The following CYYR1 variants were observed in gnomAD, a reference collection of about 807,000 sequenced individuals.
The protein encoded by CYYR1 is cysteine and tyrosine rich 1.
In CYYR1, 14 loss-of-function variants were observed where a neutral mutation model predicts 15.2. The observed-to-expected ratio is 0.92, with a 90% confidence interval of 0.61 to 1.44. The LOEUF (loss-of-function observed/expected upper bound fraction) is 1.44. Ranked by LOEUF, CYYR1 falls within the 40% of genes most tolerant of loss-of-function variation. The pLI, the probability that CYYR1 is intolerant of heterozygous loss-of-function variation, is 0.00. For missense variants in CYYR1, 228 were observed against 209.5 expected (o/e 1.09, Z -0.54); for synonymous variants, 80 against 77.4 (o/e 1.03, Z -0.18).
chr21:26,563,696 G>A (rs1207354994), intron 2 of CYYR1, among the ~76,000 whole-genome samples: 1 of 152,156 alleles, frequency 6.6e-6, no homozygotes, highest in African/African-American at 2.4e-5. Context: ...TTGCAAAACA[G>A]CAAAGGCAAT....
Position 26,472,260 on chromosome 21 carries a change from A to G in CYYR1, c.335-3626T>C, listed in dbSNP as rs181925025. The stretch of plus-strand genomic sequence containing the variant: ...TGCCTTAGCAGTTATTCCATCCACT[A>G]TTCACTATTTTGAGGTTAATTTTTT... On this transcript the variant is annotated intron_variant, in intron 3 of 3. Coordinates refer to ENST00000652641, the MANE Select transcript of CYYR1 (RefSeq NM_001320768.2). 1.7e-3 allele frequency among the ~76,000 whole-genome samples: 265 copies of G among 152,188 alleles called. 1 individual carries two copies. Among genetic ancestry groups the G allele is most frequent in the African/African-American group, 6.1e-3 (253 of 41,524 alleles).
chr21:26,473,011 C>T (rs926841840), intron 3 of CYYR1, among the ~76,000 whole-genome samples: 2 of 152,046 alleles, frequency 1.3e-5, no homozygotes, highest in South Asian at 2.1e-4. Context: ...CTAAATGTGG[C>T]TTATTAAATA....
intron 2 of CYYR1, chr21:26,482,399 T>G: frequency 1.0e-6 from 1 of 985,334 alleles, no homozygotes; most frequent in Non-Finnish European, 1.2e-6. Flanking sequence ...GTAAAATAGC[T>G]TATCAGTTCT....
intron 2 of CYYR1, among the ~76,000 whole-genome samples, chr21:26,535,123 C>A (rs1050069166): frequency 6.6e-6 from 1 of 152,034 alleles, no homozygotes; most frequent in Admixed American, 6.6e-5. Context: ...GGGAAGGGAG[C>A]AAATGTTGAA....
intron 2 of CYYR1, chr21:26,564,551 T>C: frequency 2.0e-6 from 1 of 507,334 alleles, no homozygotes; most frequent in Non-Finnish European, 2.5e-6. Context: ...ACATGTACCA[T>C]AAAAATGTGA....
chr21:26,548,904 A>G (rs1486179030), intron 2 of CYYR1, among the ~76,000 whole-genome samples: 1 of 152,232 alleles, frequency 6.6e-6, no homozygotes, highest in African/African-American at 2.4e-5. Context: ...GAATAGACAT[A>G]ATTAAGGTCT....
chr21:26,512,177 CG>C (rs2065656926), intron 2 of CYYR1, among the ~76,000 whole-genome samples: 1 of 151,918 alleles, frequency 6.6e-6, no homozygotes, highest in African/African-American at 2.4e-5. Flanking sequence ...TTAGGAGTAT[CG>C]TTCACATTCA....
chr21:26,521,506 C>T (rs920135881), intron 2 of CYYR1, among the ~76,000 whole-genome samples: 1 of 152,168 alleles, frequency 6.6e-6, no homozygotes, highest in Non-Finnish European at 1.5e-5. Context: ...CCATAAGAAA[C>T]ATCAGGACTA....
At chr21:26,559,515 CTTTTA>C (rs1980051712) in intron 2 of CYYR1, among the ~76,000 whole-genome samples, 1 of 151,832 alleles carries the variant, frequency 6.6e-6, no homozygotes, top group Non-Finnish European at 1.5e-5. Flanking sequence ...GTTTTTTAAT[CTTTTA>C]TTTTAGACAT....
At position 26,480,491 on chromosome 21, in the gene CYYR1, T is replaced by C. The variant is rs1019039897; in HGVS notation, c.177-62A>G. 6 of 1,493,736 alleles carry C rather than the reference T, an allele frequency of 4.0e-6. No individual in the cohort carries two copies. The African/African-American group carries it at 8.4e-5, about 21-fold the overall frequency. The allele number at this position is 1,493,736 out of a possible 1,614,324, so 92.5% of individuals were successfully genotyped here. On this transcript the variant is annotated intron_variant, in intron 2 of 3. Coordinates refer to ENST00000652641, the MANE Select transcript of CYYR1 (RefSeq NM_001320768.2). The stretch of plus-strand genomic sequence containing the variant: ...TGTAAGCATTCTTTAGACTTTCTAG[T>C]AGAGCTCCATGATTATAGGACAAGT...
chr21:26,553,552 C>T (rs940663023), intron 2 of CYYR1, among the ~76,000 whole-genome samples: 2 of 152,088 alleles, frequency 1.3e-5, no homozygotes, highest in South Asian at 2.1e-4. Context: ...TTTTGGGCTG[C>T]GTTTAGTCCA....
chr21:26,484,942 G>A (rs1601737087), intron 2 of CYYR1, among the ~76,000 whole-genome samples: 2 of 151,960 alleles, frequency 1.3e-5, no homozygotes, highest in South Asian at 4.1e-4. Flanking sequence ...ATTAGCAATC[G>A]TAAATTAGTT....
intron 2 of CYYR1, among the ~76,000 whole-genome samples, chr21:26,498,583 T>C (rs866541440): frequency 5.9e-5 from 9 of 152,196 alleles, no homozygotes; most frequent in African/African-American, 2.2e-4. Flanking sequence ...TTATGAGCCA[T>C]GCTAACATGA....
intron 2 of CYYR1, among the ~76,000 whole-genome samples, chr21:26,520,982 T>A (rs1429535015): frequency 1.3e-5 from 2 of 152,064 alleles, no homozygotes; most frequent in African/African-American, 4.8e-5. Flanking sequence ...ACCTGAACAA[T>A]GAGAACACAT....
chr21:26,543,943 A>G (rs979637954), intron 2 of CYYR1, among the ~76,000 whole-genome samples: 1 of 151,946 alleles, frequency 6.6e-6, no homozygotes, highest in Non-Finnish European at 1.5e-5. Flanking sequence ...AAAATAAAAT[A>G]AATGGTCACA....
rs1198043964 is a variant in CYYR1 at position 26,520,096 on chromosome 21, TA to T, written c.177-39668del. ...CCTTCTTTTTCTTTATTTCTTCTTC[TA>T]AAAAAAAACCCAGGAGATATATATA... is the stretch of plus-strand genomic sequence containing the variant. On this transcript the variant is annotated intron_variant, in intron 2 of 3. Transcript: ENST00000652641. 5.8e-4 allele frequency among the ~76,000 whole-genome samples: 65 copies of T among 111,530 alleles called. No homozygotes were observed. In the East Asian group the frequency reaches 0.011, roughly 19 times the overall value. The allele number at this position is 111,530 out of a possible 152,430, so 73.2% of individuals were successfully genotyped here. A position where few individuals can be genotyped will look rare whatever the true frequency, so the allele number is the denominator to read the frequency against.
At chr21:26,510,577 T>C (rs894476977) in intron 2 of CYYR1, among the ~76,000 whole-genome samples, 1 of 152,214 alleles carries the variant, frequency 6.6e-6, no homozygotes, top group Non-Finnish European at 1.5e-5. Context: ...TTGTGCAATG[T>C]AGTCTATTGT....
At chr21:26,558,107 C>T in intron 2 of CYYR1, among the ~76,000 whole-genome samples, 1 of 152,180 alleles carries the variant, frequency 6.6e-6, no homozygotes, top group East Asian at 1.9e-4. Flanking sequence ...TAGGTAGTGG[C>T]AGTAATGCCT....
chr21:26,548,443 C>A (rs372252244), intron 2 of CYYR1, among the ~76,000 whole-genome samples: 23 of 152,330 alleles, frequency 1.5e-4, no homozygotes, highest in African/African-American at 5.5e-4. Flanking sequence ...AACTCCTGGG[C>A]TCAAGCAATT....
Sources: allele counts gnomAD v4.1 joint callset (sites outside exome capture counted in the v4.1 genomes callset), GRCh38; gene constraint gnomAD v4.1.1; transcripts MANE v1.5; gene names NCBI Gene and HGNC (gene_info 2026-07-23, HGNC 2026-07-21).